The following ZNF202 variants were observed in gnomAD, a reference collection of about 807,000 sequenced individuals.
The protein encoded by ZNF202 is zinc finger protein with KRAB and SCAN domains 10.
ZNF202 carries 22 observed loss-of-function variants against 54.5 expected under a neutral mutation model. The ratio of observed to expected loss-of-function variants is 0.40; its 90% confidence interval spans 0.29 to 0.58. The LOEUF (loss-of-function observed/expected upper bound fraction) is 0.58. Ranked by LOEUF, ZNF202 falls within the 20% of genes least tolerant of loss-of-function variation. The pLI, the probability that ZNF202 is intolerant of heterozygous loss-of-function variation, is 0.39. For synonymous variants in ZNF202, 294 were observed against 301.4 expected (o/e 0.98, Z 0.26); for missense variants, 644 against 805.5 (o/e 0.80, Z 2.43).
At chr11:123,735,957 A>C (rs1861620004) in intron 3 of ZNF202, among the ~76,000 whole-genome samples, 1 of 152,214 alleles carries the variant, frequency 6.6e-6, no homozygotes, top group African/African-American at 2.4e-5. Context: ...CAATAGAGAG[A>C]ATATGAAACC....
chr11:123,726,672 G>C lies in ZNF202; in HGVS notation c.1272C>G (p.Pro424=), dbSNP rs1861156399. Residue 424 remains proline (P), a synonymous_variant, in exon 9 of 9, where the codon CCC becomes CCG. Transcript: ENST00000530393. The surrounding 1 kb of genome is among the most constrained non-coding windows in gnomAD (Gnocchi z 6.0). ...RHLRTHTGEK[P]YKCMECGKSY... is the part of the protein sequence containing the mutation. Reference sequence around the variant, plus strand: ...TTTTTCCACATTCCATACATTTATAGGGTTTCTCTCCTGTGTGAGTCCTCA... The same window carrying C: ...TTTTTCCACATTCCATACATTTATACGGTTTCTCTCCTGTGTGAGTCCTCA... 6.2e-7 allele frequency: 1 copy of C among 1,614,198 alleles called. No homozygotes were observed. The highest frequency in any genetic ancestry group is 8.5e-7 in the Non-Finnish European group (1 of 1,180,032).
chr11:123,727,720 C>T, intron 7 of ZNF202, 125 bp from the exon 8 acceptor site: 7 of 1,313,904 alleles, frequency 5.3e-6, no homozygotes, highest in Admixed American at 2.3e-5. Flanking sequence ...TGAAATCTTT[C>T]ATCTCTTTAG....
In ZNF202 at chr11:123,730,588, C is replaced by T; in HGVS notation, c.301G>A (p.Glu101Lys). The T allele has an allele frequency of 1.2e-6, 2 of 1,609,990 alleles. No individual in the cohort carries two copies. The highest frequency in any genetic ancestry group is 1.7e-6 in the Non-Finnish European group (2 of 1,177,938). The change falls in exon 4 of 9, where the codon GAA becomes AAA. Residue 101 changes from glutamate to lysine, a missense_variant. Physicochemically the swap from Glu to Lys is moderately conservative, Grantham distance 56. Around this residue, in one of 3 missense-constraint regions of ZNF202, gnomAD observed 62 missense variants for 122.8 expected, o/e 0.50. Transcript: ENST00000530393. This position sits in a 1 kb window ranked among gnomAD's most constrained non-coding sequence, Gnocchi z 6.0. ...TGGCCCCGCACCCAGCTCTGTAGTT[C>T]TCCAGGTAGGACGGTAAGAAATTGT... ...LEQFLTVLPG[E>K]LQSWVRGQRP... is the part of the protein sequence containing the mutation.
chr11:123,735,539 T>C (rs1308063285), intron 3 of ZNF202, among the ~76,000 whole-genome samples: 1 of 152,036 alleles, frequency 6.6e-6, no homozygotes, highest in Non-Finnish European at 1.5e-5. Context: ...GGGTAAGAGA[T>C]GGGAAATGAA....
chr11:123,738,665 T>A (rs533416522), intron 3 of ZNF202: 54 of 152,308 alleles, frequency 3.5e-4, no homozygotes, highest in African/African-American at 1.3e-3. Context: ...CGCAATAACA[T>A]ATATAACAGA....
chr11:123,724,586 C>G lies in ZNF202; in HGVS notation c.*1411G>C, dbSNP rs1565515892. 6.6e-6 allele frequency: 1 copy of G among 152,204 alleles called. No individual in the cohort carries two copies. The highest frequency in any genetic ancestry group is 1.5e-5 in the Non-Finnish European group (1 of 68,058). 9.4% of individuals were successfully genotyped at this position (152,204 alleles called of 1,614,324 possible). A position where few individuals can be genotyped will look rare whatever the true frequency, so the allele number is the denominator to read the frequency against. On this transcript the variant is annotated 3_prime_UTR_variant, in exon 9 of 9. Coordinates refer to ENST00000530393, the MANE Select transcript of ZNF202 (RefSeq NM_003455.4). ...CTCCCTGTCATGCTTTAACCCCATA[C>G]CCTGTGCTCCACTTATGGAGGACGT...
At chr11:123,729,277 T>C in intron 5 of ZNF202, 63 bp from the exon 6 acceptor site, 1 of 1,511,138 alleles carries the variant, frequency 6.6e-7, no homozygotes, top group Admixed American at 1.8e-5. Flanking sequence ...GGCAAAAATC[T>C]GGGCATCCCC....
chr11:123,737,390 TC>T (rs950054668), intron 3 of ZNF202, among the ~76,000 whole-genome samples: 2 of 151,770 alleles, frequency 1.3e-5, no homozygotes, highest in Non-Finnish European at 2.9e-5. Context: ...CACCTAAGTT[TC>T]CCCCCCGCCC....
At position 123,726,255 on chromosome 11, in the gene ZNF202, T is replaced by C. The variant is rs376415399; in HGVS notation, c.1689A>G (p.Glu563=). The C allele has an allele frequency of 2.5e-6, 4 of 1,613,746 alleles. No homozygotes were observed. The African/African-American group carries it at 4.0e-5, about 16-fold the overall frequency. The stretch of plus-strand genomic sequence containing the variant: ...GCCCGCACTCGCTGCAGAGGTAGAG[T>C]TCCTCAGCAGCGTGCGTCTTCCGGT... ...LAHRKTHAAE[E]LYLCSECGRC... The change falls in exon 9 of 9, where the codon GAA becomes GAG. Residue 563 remains glutamate, a synonymous_variant. Transcript: ENST00000530393. This position sits in a 1 kb window ranked among gnomAD's most constrained non-coding sequence, Gnocchi z 6.0.
chr11:123,734,368 A>C (rs1310222048), intron 3 of ZNF202, among the ~76,000 whole-genome samples: 1 of 152,096 alleles, frequency 6.6e-6, no homozygotes, highest in African/African-American at 2.4e-5. Flanking sequence ...GGTCCCTGCT[A>C]CCTCTCCTTC....
rs770593594 is a variant in ZNF202 at position 123,730,607 on chromosome 11, A to G, written c.282T>C (p.Phe94=). Reference sequence around the variant, plus strand: ...GTAGTTCTCCAGGTAGGACGGTAAGAAATTGTTCCAGCACAAGCAGCTCTA... The same window carrying G: ...GTAGTTCTCCAGGTAGGACGGTAAGGAATTGTTCCAGCACAAGCAGCTCTA... ...QILELLVLEQ[F]LTVLPGELQS... is the part of the protein sequence containing the mutation. The change falls in exon 4 of 9, where the codon TTT becomes TTC. Residue 94 remains phenylalanine (F), a synonymous_variant. Coordinates refer to ENST00000530393, the MANE Select transcript of ZNF202 (RefSeq NM_003455.4). This position sits in a 1 kb window ranked among gnomAD's most constrained non-coding sequence, Gnocchi z 6.0. 2.5e-6 allele frequency: 4 copies of G among 1,612,564 alleles called. No homozygotes were observed. Among genetic ancestry groups the G allele is most frequent in the Non-Finnish European group, 3.4e-6 (4 of 1,179,150 alleles).
In ZNF202 at chr11:123,725,741, G is replaced by C. The variant is rs749793791; in HGVS notation, c.*256C>G. 19 of 470,690 alleles carry C rather than the reference G, an allele frequency of 4.0e-5. No individual in the cohort carries two copies. Among genetic ancestry groups the C allele is most frequent in the Non-Finnish European group, 7.1e-5 (19 of 265,860 alleles). 29.2% of individuals were successfully genotyped at this position (470,690 alleles called of 1,614,324 possible). A position where few individuals can be genotyped will look rare whatever the true frequency, so the allele number is the denominator to read the frequency against. ...TCTCCTACTTTATACCCATGAGGTAGAGGCAGGTGCACTCCAGTGAAGGAG... is the reference window on the plus strand; with the variant it reads ...TCTCCTACTTTATACCCATGAGGTACAGGCAGGTGCACTCCAGTGAAGGAG... On this transcript the variant is annotated 3_prime_UTR_variant, in exon 9 of 9. Transcript: ENST00000530393.
At position 123,726,768 on chromosome 11, in the gene ZNF202, C is replaced by T. The variant is rs761513091; in HGVS notation, c.1176G>A (p.Leu392=). 11 of 1,614,094 alleles carry T rather than the reference C, an allele frequency of 6.8e-6. No individual in the cohort carries two copies. The highest frequency in any genetic ancestry group is 1.1e-5 in the South Asian group (1 of 91,084). ...NLRETTPVHP[L]LGRHHDCSVC... ...CAGAACAGTCATGATGCCTCCCTAACAGGGGGTGGACGGGTGTAGTTTCCC... is the reference window on the plus strand; with the variant it reads ...CAGAACAGTCATGATGCCTCCCTAATAGGGGGTGGACGGGTGTAGTTTCCC... The change falls in exon 9 of 9, where the codon CTG becomes CTA. Residue 392 remains leucine, a synonymous_variant. Coordinates refer to ENST00000530393, the MANE Select transcript of ZNF202 (RefSeq NM_003455.4). This position sits in a 1 kb window ranked among gnomAD's most constrained non-coding sequence, Gnocchi z 6.0.
At position 123,730,938 on chromosome 11, in the gene ZNF202, A is replaced by G. The variant is rs764086257; in HGVS notation, c.-50T>C. The G allele has an allele frequency of 6.4e-7, 1 of 1,564,468 alleles. No individual in the cohort carries two copies. Among genetic ancestry groups the G allele is most frequent in the South Asian group, 1.2e-5 (1 of 82,328 alleles). Reference sequence around the variant, plus strand: ...ACCATCTAGAGCTCACACTGTCATTAGCCCCCCGCCTCAGCCTGGACACAG... The same window carrying G: ...ACCATCTAGAGCTCACACTGTCATTGGCCCCCCGCCTCAGCCTGGACACAG... On this transcript the variant is annotated 5_prime_UTR_variant, in exon 4 of 9. Transcript: ENST00000530393. This position sits in a 1 kb window ranked among gnomAD's most constrained non-coding sequence, Gnocchi z 6.0.
Position 123,729,744 on chromosome 11 carries a change from G to A in ZNF202, c.484C>T (p.Leu162=). 2 of 1,613,980 alleles carry A rather than the reference G, an allele frequency of 1.2e-6. No homozygotes were observed. Among genetic ancestry groups the A allele is most frequent in the South Asian group, 2.2e-5 (2 of 91,060 alleles). The change falls in exon 5 of 9, where the codon CTG becomes TTG. Residue 162 remains leucine (L), a synonymous_variant. Coordinates refer to ENST00000530393, the MANE Select transcript of ZNF202 (RefSeq NM_003455.4). ...LGVEPESPNE[L]QDPVQSSTPE... ...GTCGAGCTTTGCACAGGATCCTGCAGCTCATTAGGTGACTCAGGCTCCACT... is the reference window on the plus strand; with the variant it reads ...GTCGAGCTTTGCACAGGATCCTGCAACTCATTAGGTGACTCAGGCTCCACT...
chr11:123,726,810 A>G lies in ZNF202; in HGVS notation c.1134T>C (p.Asn378=), dbSNP rs1294594295. The part of the protein sequence containing the change: ...RRFGTNISQV[N]SFVNLRETTP... ...TAGTTTCCCGAAGGTTCACAAAACTATTCACTTGAGAAATATTAGTACCAA... is the reference window on the plus strand; with the variant it reads ...TAGTTTCCCGAAGGTTCACAAAACTGTTCACTTGAGAAATATTAGTACCAA... Residue 378 remains asparagine (N), a synonymous_variant, in exon 9 of 9, where the codon AAT becomes AAC. Transcript: ENST00000530393. This position sits in a 1 kb window ranked among gnomAD's most constrained non-coding sequence, Gnocchi z 6.0. The G allele has an allele frequency of 3.1e-6, 5 of 1,614,206 alleles. No homozygotes were observed. The South Asian group carries it at 4.4e-5, about 14-fold the overall frequency.
chr11:123,731,452 T>G (rs1158273390), intron 3 of ZNF202, among the ~76,000 whole-genome samples: 1 of 152,220 alleles, frequency 6.6e-6, no homozygotes, highest in African/African-American at 2.4e-5. Flanking sequence ...GACACTCTGA[T>G]TCAGTCAATT....
rs769595714 is a variant in ZNF202, at chr11:123,730,589, T to C, written c.300A>G (p.Gly100=). 1.2e-6 allele frequency: 2 copies of C among 1,609,962 alleles called. No homozygotes were observed. Among genetic ancestry groups the C allele is most frequent in the African/African-American group, 1.3e-5 (1 of 74,816 alleles). The part of the protein sequence containing the change: ...VLEQFLTVLP[G]ELQSWVRGQR... ...GGCCCCGCACCCAGCTCTGTAGTTCTCCAGGTAGGACGGTAAGAAATTGTT... is the reference window on the plus strand; with the variant it reads ...GGCCCCGCACCCAGCTCTGTAGTTCCCCAGGTAGGACGGTAAGAAATTGTT... Residue 100 remains glycine (G), a synonymous_variant, in exon 4 of 9, where the codon GGA becomes GGG. Coordinates refer to ENST00000530393, the MANE Select transcript of ZNF202 (RefSeq NM_003455.4). This position sits in a 1 kb window ranked among gnomAD's most constrained non-coding sequence, Gnocchi z 6.0.
chr11:123,732,958 T>A (rs951247736), intron 3 of ZNF202, among the ~76,000 whole-genome samples: 1 of 152,110 alleles, frequency 6.6e-6, no homozygotes, highest in Non-Finnish European at 1.5e-5. Context: ...TAGAAGGTAT[T>A]CATAGGAACT....
Sources: gnomAD v4.1 joint callset for allele counts (sites outside exome capture counted in the v4.1 genomes callset) on GRCh38, gnomAD v4.1.1 for gene constraint, gnomAD v4.1.1 regional missense constraint, Gnocchi (gnomAD v3.1) non-coding constraint, MANE v1.5 for transcripts, NCBI Gene and HGNC (gene_info 2026-07-23, HGNC 2026-07-21) for gene names.